Variants in SLC27A3 observed in about 807,000 individuals in gnomAD.
The protein encoded by SLC27A3 is long-chain fatty acid transport protein 3.
Under a neutral mutation model 60.1 loss-of-function variants are expected in SLC27A3, and 60 were observed. That is an observed-to-expected ratio of 1.00 (90% CI 0.81 to 1.24). The LOEUF (loss-of-function observed/expected upper bound fraction) is 1.24, where lower values mean the gene tolerates loss of function less well. Among genes scored for constraint, SLC27A3 ranks in the 50% most tolerant of loss-of-function variants. The pLI is 0.00. For synonymous variants in SLC27A3, 455 were observed against 409.0 expected, an observed-to-expected ratio of 1.11 and a Z score of -1.36; for missense variants, 1,079 against 929.9, an observed-to-expected ratio of 1.16 and a Z score of -2.09.
Position 153,776,542 on chromosome 1 carries a change from A to C in SLC27A3, c.692A>C (p.Asp231Ala). ...APEFLESLEPDLPALRAMGLH... is the reference protein window; with the variant it reads ...APEFLESLEPALPALRAMGLH... ...GAGTTTCTGGAGTCCCTGGAGCCGG[A>C]CCTGCCCGCCCTGAGAGCCATGGGG... Residue 231 changes from aspartate to alanine, a missense_variant, in exon 2 of 10, where the codon GAC (aspartate) becomes GCC (alanine). Physicochemically the swap from Asp to Ala is moderately radical, Grantham distance 126. Coordinates refer to ENST00000624995, the MANE Select transcript of SLC27A3 (RefSeq NM_024330.4). 6.2e-7 allele frequency: 1 copy of C among 1,614,018 alleles called. No homozygotes were observed. The highest frequency in any genetic ancestry group is 8.5e-7 in the Non-Finnish European group (1 of 1,180,002).
At chr1:153,777,951 T>C in intron 4 of SLC27A3, 66 bp downstream of exon 4, 1 of 1,605,684 alleles carries the variant, frequency 6.2e-7, no homozygotes, top group South Asian at 1.1e-5. Context: ...GCAGGACAGT[T>C]GACAGGAGAC....
At position 153,777,739 on chromosome 1, in the gene SLC27A3, C is replaced by CTA. The variant is rs59398764; in HGVS notation, c.1037-22_1037-21insTA. 8 of 627,838 alleles carry CTA rather than the reference C, an allele frequency of 1.3e-5. No homozygotes were observed. The South Asian group carries it at 1.4e-4, about 11-fold the overall frequency. 38.9% of individuals were successfully genotyped at this position (627,838 alleles called of 1,614,324 possible). On this transcript the variant is annotated intron_variant, in intron 3 of 9. Coordinates refer to ENST00000624995, the MANE Select transcript of SLC27A3 (RefSeq NM_024330.4). ...TGCTCCTAATCTTACCTCCCTTCTTCCCCCCTGCCCACTTCTGGCAGGGGC... is the reference window on the plus strand; with the variant it reads ...TGCTCCTAATCTTACCTCCCTTCTTCTACCCCCTGCCCACTTCTGGCAGGGGC...
chr1:153,775,834 T>C lies in SLC27A3; in HGVS notation c.337T>C (p.Trp113Arg). 1 of 1,497,342 alleles carries C rather than the reference T, an allele frequency of 6.7e-7. No homozygotes were observed. Among genetic ancestry groups the C allele is most frequent in the Non-Finnish European group, 8.9e-7 (1 of 1,127,698 alleles). The allele number at this position is 1,497,342 out of a possible 1,614,324, so 92.8% of individuals were successfully genotyped here. ...ACGCGCCTTCCTACGTGCGCTAGGC[T>C]GGGACTGGGGACCCGACGGCGGCGA... ...AARAFLRALG[W>R]DWGPDGGDSG... The change falls in exon 1 of 10, where the codon TGG becomes CGG. Residue 113 changes from tryptophan to arginine, a missense_variant. By Grantham distance (101) the Trp-to-Arg change is moderately radical. Coordinates refer to ENST00000624995, the MANE Select transcript of SLC27A3 (RefSeq NM_024330.4).
intron 7 of SLC27A3, 54 bp downstream of exon 7, chr1:153,778,939 A>C: frequency 1.3e-6 from 2 of 1,578,528 alleles, no homozygotes; most frequent in Non-Finnish European, 1.7e-6. Context: ...TGTGATCCAA[A>C]GCTTCTGAAC....
intron 4 of SLC27A3, 36 bp downstream of exon 4, chr1:153,777,921 A>G: frequency 6.2e-7 from 1 of 1,613,888 alleles, no homozygotes; most frequent in South Asian, 1.1e-5. Context: ...AGCTGCTGAC[A>G]CAGGGCTAGC....
chr1:153,779,406 T>C lies in SLC27A3; in HGVS notation c.1808T>C (p.Met603Thr), dbSNP rs777221507. Residue 603 changes from methionine (M) to threonine (T), a missense_variant, in exon 9 of 10, where the codon ATG becomes ACG. Transcript: ENST00000624995. ...VLRPPHALDL[M>T]QLYTHVSENL... ...CGTCCCCCCCACGCTTTGGACCTTATGCAGCTCTACACCCACGTGTCTGAG... is the reference window on the plus strand; with the variant it reads ...CGTCCCCCCCACGCTTTGGACCTTACGCAGCTCTACACCCACGTGTCTGAG... The C allele has an allele frequency of 2.5e-6, 4 of 1,612,778 alleles. No homozygotes were observed. The Admixed American group carries it at 5.0e-5, about 20-fold the overall frequency.
rs1299850754 is a variant in SLC27A3 at position 153,779,832 on chromosome 1, T to C, written c.1882T>C (p.Leu628=). Residue 628 remains leucine (L), a synonymous_variant, in exon 10 of 10, where the codon TTG becomes CTG. Coordinates refer to ENST00000624995, the MANE Select transcript of SLC27A3 (RefSeq NM_024330.4). The part of the protein sequence containing the change: ...RPRFLRLQES[L]ATTETFKQQK... ...CTGACCCTCCTGTCCCCAGGAGTCTTTGGCCACCACAGAGACCTTCAAACA... is the reference window on the plus strand; with the variant it reads ...CTGACCCTCCTGTCCCCAGGAGTCTCTGGCCACCACAGAGACCTTCAAACA... 1 of 1,613,846 alleles carries C rather than the reference T, an allele frequency of 6.2e-7. No homozygotes were observed. The highest frequency in any genetic ancestry group is 2.2e-5 in the East Asian group (1 of 44,860).
chr1:153,779,599 C>A, intron 9 of SLC27A3, 126 bp downstream of exon 9: 1 of 1,154,050 alleles, frequency 8.7e-7, no homozygotes. Flanking sequence ...ACGTAATACA[C>A]TCCGTGAAGA....
chr1:153,778,140 C>A, intron 4 of SLC27A3, 21 bp from the exon 5 acceptor site: 1 of 1,589,212 alleles, frequency 6.3e-7, no homozygotes, highest in Non-Finnish European at 8.5e-7. Context: ...GAAGCTCCGG[C>A]CCCTCTCCCA....
At chr1:153,778,064 C>G in intron 4 of SLC27A3, 97 bp from the exon 5 acceptor site, 1 of 1,496,138 alleles carries the variant, frequency 6.7e-7, no homozygotes, top group Non-Finnish European at 9.0e-7. Flanking sequence ...AAGGAGGTCA[C>G]AGTAGGAGGG....
rs144843954 is a variant in SLC27A3 at position 153,779,159 on chromosome 1, C to T, written c.1692C>T (p.Phe564=). 148 of 1,614,132 alleles carry T rather than the reference C, an allele frequency of 9.2e-5. No individual in the cohort carries two copies. The highest frequency in any genetic ancestry group is 6.8e-4 in the African/African-American group (51 of 75,032). ...CCACAACCGAGGTGGCAGAGGTCTTCGAGGCCCTAGATTTTCTTCAGGAGG... is the reference window on the plus strand; with the variant it reads ...CCACAACCGAGGTGGCAGAGGTCTTTGAGGCCCTAGATTTTCTTCAGGAGG... The part of the protein sequence containing the change: ...NVATTEVAEV[F]EALDFLQEVN... Residue 564 remains phenylalanine (F), a synonymous_variant, in exon 8 of 10, where the codon TTC becomes TTT. Transcript: ENST00000624995.
chr1:153,776,096 C>G lies in SLC27A3; in HGVS notation c.599C>G (p.Ala200Gly). 11 of 1,483,800 alleles carry G rather than the reference C, an allele frequency of 7.4e-6. No homozygotes were observed. Among genetic ancestry groups the G allele is most frequent in the Non-Finnish European group, 9.7e-6 (11 of 1,131,492 alleles). The allele number at this position is 1,483,800 out of a possible 1,614,324, so 91.9% of individuals were successfully genotyped here. ...CTGCGCACTGCCTTTGTGCCCACCG[C>G]CCTGCGCCGGGGCCCCCTGCTGCAC... ...AGLRTAFVPT[A>G]LRRGPLLHCL... Residue 200 changes from alanine (A) to glycine (G), a missense_variant, in exon 1 of 10, where the codon GCC (alanine) becomes GGC (glycine). Physicochemically the swap from Ala to Gly is moderately conservative, Grantham distance 60. Coordinates refer to ENST00000624995, the MANE Select transcript of SLC27A3 (RefSeq NM_024330.4).
Position 153,776,321 on chromosome 1 carries a change from A to C in SLC27A3, c.667+157A>C, listed in dbSNP as rs186722833. 1.5e-4 allele frequency: 204 copies of C among 1,395,642 alleles called. No homozygotes were observed. In the East Asian group the frequency reaches 3.9e-3, roughly 27 times the overall value. 86.5% of individuals were successfully genotyped at this position (1,395,642 alleles called of 1,614,324 possible). ...GTGGAGATAGGAGTCTCCGGGTTTG[A>C]GAAGGGATGAGGCTGAATCTTTGGT... is the stretch of plus-strand genomic sequence containing the variant. On this transcript the variant is annotated intron_variant, in intron 1 of 9. Transcript: ENST00000624995.
rs756628408 is a variant in SLC27A3 at position 153,777,891 on chromosome 1, T to C, written c.1161+6T>C. ...ACCTTGTCAACCAGCCCCCGGTGCGTGGGCACAGATCCTGGGCAGAGCTGC... is the reference window on the plus strand; with the variant it reads ...ACCTTGTCAACCAGCCCCCGGTGCGCGGGCACAGATCCTGGGCAGAGCTGC... On this transcript the variant is annotated splice_donor_region_variant and intron_variant, in intron 4 of 9. Transcript: ENST00000624995. The C allele has an allele frequency of 1.2e-6, 2 of 1,614,142 alleles. No individual in the cohort carries two copies. The highest frequency in any genetic ancestry group is 2.2e-5 in the South Asian group (2 of 91,068).
Position 153,778,472 on chromosome 1 carries a change from C to G in SLC27A3, c.1366C>G (p.Pro456Ala), listed in dbSNP as rs150289679. 1 of 1,614,188 alleles carries G rather than the reference C, an allele frequency of 6.2e-7. No individual in the cohort carries two copies. Among genetic ancestry groups the G allele is most frequent in the South Asian group, 1.1e-5 (1 of 91,084 alleles). ...GTCTCCCTTTCCCCAGCATATCTTCCCCTTCTCCTTGATTCGCTATGATGT... is the reference window on the plus strand; with the variant it reads ...GTCTCCCTTTCCCCAGCATATCTTCGCCTTCTCCTTGATTCGCTATGATGT... ...RASWLYKHIFPFSLIRYDVTT... is the reference protein window; with the variant it reads ...RASWLYKHIFAFSLIRYDVTT... The change falls in exon 6 of 10, where the codon CCC becomes GCC. Residue 456 changes from proline to alanine, a missense_variant. Coordinates refer to ENST00000624995, the MANE Select transcript of SLC27A3 (RefSeq NM_024330.4).
At chr1:153,776,843 C>G in intron 2 of SLC27A3, 116 bp downstream of exon 2, 1 of 1,039,152 alleles carries the variant, frequency 9.6e-7, no homozygotes, top group African/African-American at 1.6e-5. Context: ...ATTGGCACAT[C>G]CTTTTTCTCC....
At position 153,779,384 on chromosome 1, in the gene SLC27A3, C is replaced by T. The variant is rs775914465; in HGVS notation, c.1786C>T (p.Pro596Ser). ...TGGAATGGCAGCCCTAGTTCTGCGTCCCCCCCACGCTTTGGACCTTATGCA... is the reference window on the plus strand; with the variant it reads ...TGGAATGGCAGCCCTAGTTCTGCGTTCCCCCCACGCTTTGGACCTTATGCA... ...RAGMAALVLR[P>S]PHALDLMQLY... Residue 596 changes from proline to serine, a missense_variant, in exon 9 of 10, where the codon CCC becomes TCC. By Grantham distance (74) the Pro-to-Ser change is moderately conservative (BLOSUM62 -1). Transcript: ENST00000624995. 6.2e-7 allele frequency: 1 copy of T among 1,611,660 alleles called. No homozygotes were observed. Among genetic ancestry groups the T allele is most frequent in the Non-Finnish European group, 8.5e-7 (1 of 1,178,770 alleles).
At chr1:153,776,445 G>A in intron 1 of SLC27A3, 73 bp from the exon 2 acceptor site, 1 of 1,418,714 alleles carries the variant, frequency 7.0e-7, no homozygotes, top group South Asian at 1.3e-5. Flanking sequence ...GGCTGGGATA[G>A]GGAGGGGACA....
rs1437271974 is a variant in SLC27A3, at chr1:153,779,964, C to T, written c.2014C>T (p.Arg672Trp). Reference sequence around the variant, plus strand: ...TGCCTACCTGCCCCTCACAACTGCCCGGTACAGCGCCCTCCTGGCAGGAAA... The same window carrying T: ...TGCCTACCTGCCCCTCACAACTGCCTGGTACAGCGCCCTCCTGGCAGGAAA... ...VGAYLPLTTA[R>W]YSALLAGNLR... Residue 672 changes from arginine to tryptophan, a missense_variant, in exon 10 of 10, where the codon CGG (arginine) becomes TGG (tryptophan). By Grantham distance (101) the Arg-to-Trp change is moderately radical (BLOSUM62 -3). Coordinates refer to ENST00000624995, the MANE Select transcript of SLC27A3 (RefSeq NM_024330.4). 13 of 1,613,858 alleles carry T rather than the reference C, an allele frequency of 8.1e-6. No individual in the cohort carries two copies. The highest frequency in any genetic ancestry group is 3.3e-5 in the Admixed American group (2 of 59,964).
Sources: allele counts gnomAD v4.1 joint callset, GRCh38; gene constraint gnomAD v4.1.1; transcripts MANE v1.5; gene names NCBI Gene and HGNC (gene_info 2026-07-23, HGNC 2026-07-21).